The following POLR1G variants were observed in gnomAD, a reference collection of about 807,000 sequenced individuals.
The protein encoded by POLR1G is RNA polymerase I subunit G.
In POLR1G, 9 loss-of-function variants were observed where a neutral mutation model predicts 6.3. That is an observed-to-expected ratio of 1.44 (90% CI 0.87 to 2.51). POLR1G has a LOEUF of 2.51. POLR1G is among the 30% of genes most tolerant of loss of function. The pLI is 0.00. For missense variants in POLR1G, 617 were observed against 632.5 expected (o/e 0.98, Z 0.26); for synonymous variants, 248 against 256.5 (o/e 0.97, Z 0.32).
chr19:45,407,982 A>C (rs1973444194), intron 2 of POLR1G, 151 bp from the exon 3 acceptor site: 1 of 999,784 alleles, frequency 1.0e-6, no homozygotes, highest in Non-Finnish European at 1.4e-6. Flanking sequence ...TGAACCCAGG[A>C]GGTGGACATT....
In POLR1G at chr19:45,409,216, AG is replaced by A; in HGVS notation, c.1249del (p.Ala417LeufsTer18). The part of the protein sequence containing the change: ...ELPDDLEPQA[A>X]PTSTKKKKKK... ...TGCCGGATGACCTTGAGCCTCAGGCAGCTCCCACATCCACCAAGAAGAAGAA... is the reference window on the plus strand; with the variant it reads ...TGCCGGATGACCTTGAGCCTCAGGCACTCCCACATCCACCAAGAAGAAGAA... On this transcript the variant is annotated frameshift_variant, in exon 3 of 3. Coordinates refer to ENST00000309424, the MANE Select transcript of POLR1G (RefSeq NM_012099.3). LOFTEE classifies it low-confidence loss of function (END_TRUNC). 6.2e-7 allele frequency: 1 copy of A among 1,612,548 alleles called. No homozygotes were observed. The highest frequency in any genetic ancestry group is 8.5e-7 in the Non-Finnish European group (1 of 1,179,216).
At chr19:45,407,632 G>T in intron 2 of POLR1G, 1 of 266,580 alleles carries the variant, frequency 3.8e-6, no homozygotes, top group Non-Finnish European at 7.1e-6. Context: ...TGTTCTGTAT[G>T]GCCATAAATA....
chr19:45,407,947 G>C, intron 2 of POLR1G, 186 bp from the exon 3 acceptor site: 1 of 686,578 alleles, frequency 1.5e-6, no homozygotes, highest in Non-Finnish European at 2.2e-6. Flanking sequence ...CCAGCTACTT[G>C]AGAGGCTGAG....
At position 45,408,582 on chromosome 19, in the gene POLR1G, C is replaced by T. The variant is rs1421404462; in HGVS notation, c.614C>T (p.Ser205Leu). ...CTGGAGGTGGACATGGCTTTGGGGTCGCCAGAAATGGATGTGCGGAAGAAG... is the reference window on the plus strand; with the variant it reads ...CTGGAGGTGGACATGGCTTTGGGGTTGCCAGAAATGGATGTGCGGAAGAAG... ...GALEVDMALG[S>L]PEMDVRKKKK... Residue 205 changes from serine to leucine, a missense_variant, in exon 3 of 3, where the codon TCG (serine) becomes TTG (leucine). Physicochemically the swap from Ser to Leu is moderately radical, Grantham distance 145. Coordinates refer to ENST00000309424, the MANE Select transcript of POLR1G (RefSeq NM_012099.3). The T allele has an allele frequency of 6.8e-6, 11 of 1,613,494 alleles. No individual in the cohort carries two copies. Among genetic ancestry groups the T allele is most frequent in the Non-Finnish European group, 7.6e-6 (9 of 1,179,942 alleles).
In POLR1G at chr19:45,406,955, A is replaced by G. The variant is rs1973387448; in HGVS notation, c.23-139A>G. ...GTGAAATTGAGGTCGCCCCTGGGGAACAGGTGGGCAGAAAGGAGAAACCAG... is the reference window on the plus strand; with the variant it reads ...GTGAAATTGAGGTCGCCCCTGGGGAGCAGGTGGGCAGAAAGGAGAAACCAG... On this transcript the variant is annotated intron_variant, in intron 1 of 2. Transcript: ENST00000309424. This position sits in a 1 kb window ranked among gnomAD's most constrained non-coding sequence, Gnocchi z 4.2. The G allele has an allele frequency of 3.3e-6, 4 of 1,221,164 alleles. No homozygotes were observed. The highest frequency in any genetic ancestry group is 3.4e-6 in the Non-Finnish European group (3 of 882,390). 75.6% of individuals were successfully genotyped at this position (1,221,164 alleles called of 1,614,324 possible). A position where few individuals can be genotyped will look rare whatever the true frequency, so the allele number is the denominator to read the frequency against.
rs1057199784 is a variant in POLR1G, at chr19:45,409,372, G to C, written c.1404G>C (p.Gln468His). 8 of 1,614,030 alleles carry C rather than the reference G, an allele frequency of 5.0e-6. No individual in the cohort carries two copies. Among genetic ancestry groups the C allele is most frequent in the African/African-American group, 4.0e-5 (3 of 74,922 alleles). Reference protein sequence around the residue: ...GSTKKRKKQSQESRMPETVPQ... With the variant: ...GSTKKRKKQSHESRMPETVPQ... ...CCAAGAAGAGGAAGAAGCAGAGTCAGGAAAGCCGGATGCCAGAGACAGTGC... is the reference window on the plus strand; with the variant it reads ...CCAAGAAGAGGAAGAAGCAGAGTCACGAAAGCCGGATGCCAGAGACAGTGC... The change falls in exon 3 of 3, where the codon CAG becomes CAC. Residue 468 changes from glutamine (Q) to histidine (H), a missense_variant. Physicochemically the swap from Gln to His is conservative, Grantham distance 24 (BLOSUM62 0). Coordinates refer to ENST00000309424, the MANE Select transcript of POLR1G (RefSeq NM_012099.3).
chr19:45,406,944 G>A lies in POLR1G; in HGVS notation c.23-150G>A, dbSNP rs528926941. 1.5e-5 allele frequency: 17 copies of A among 1,139,272 alleles called. No individual in the cohort carries two copies. In the East Asian group the frequency reaches 3.7e-4, roughly 25 times the overall value. 70.6% of individuals were successfully genotyped at this position (1,139,272 alleles called of 1,614,324 possible). A position where few individuals can be genotyped will look rare whatever the true frequency, so the allele number is the denominator to read the frequency against. On this transcript the variant is annotated intron_variant, in intron 1 of 2. Transcript: ENST00000309424. The surrounding 1 kb of genome is among the most constrained non-coding windows in gnomAD (Gnocchi z 4.2). ...GGGTTGGATCGGTGAAATTGAGGTC[G>A]CCCCTGGGGAACAGGTGGGCAGAAA...
At position 45,408,496 on chromosome 19, in the gene POLR1G, AAAG is replaced by A; in HGVS notation, c.529_531del (p.Lys177del). The A allele has an allele frequency of 6.2e-7, 1 of 1,613,976 alleles. No individual in the cohort carries two copies. On this transcript the variant is annotated inframe_deletion, in exon 3 of 3. Transcript: ENST00000309424. ...ACCTGCTCACCTCAGGGAAGAAGAA[AAAG>A]GAGATGCAGGTGACAGAGGCCCCAG...
In POLR1G at chr19:45,406,813, A is replaced by C. The variant is rs888927825; in HGVS notation, c.22+95A>C. ...CGGGCGGAAAAGGAGGCGTACCTGC[A>C]AGCAGGACTTGCGAAGAGCGTGCAT... On this transcript the variant is annotated intron_variant, in intron 1 of 2. Transcript: ENST00000309424. The surrounding 1 kb of genome is among the most constrained non-coding windows in gnomAD (Gnocchi z 4.2). The C allele has an allele frequency of 8.1e-7, 1 of 1,240,352 alleles. No individual in the cohort carries two copies. Among genetic ancestry groups the C allele is most frequent in the Non-Finnish European group, 1.1e-6 (1 of 912,914 alleles). 76.8% of individuals were successfully genotyped at this position (1,240,352 alleles called of 1,614,324 possible).
At position 45,408,690 on chromosome 19, in the gene POLR1G, C is replaced by T. The variant is rs1035447642; in HGVS notation, c.722C>T (p.Pro241Leu). 2 of 1,613,772 alleles carry T rather than the reference C, an allele frequency of 1.2e-6. No individual in the cohort carries two copies. Among genetic ancestry groups the T allele is most frequent in the Non-Finnish European group, 1.7e-6 (2 of 1,179,934 alleles). The stretch of plus-strand genomic sequence containing the variant: ...GAGCCCACAGTGGAGACACTGGAGC[C>T]TCTGGGAGTGCTGTTCCCGTCCACC... ...GTEPTVETLE[P>L]LGVLFPSTTK... Residue 241 changes from proline to leucine, a missense_variant, in exon 3 of 3, where the codon CCT becomes CTT. Transcript: ENST00000309424.
intron 2 of POLR1G, 21 bp from the exon 3 acceptor site, chr19:45,408,112 C>T: frequency 3.8e-6 from 6 of 1,570,098 alleles, no homozygotes; most frequent in Non-Finnish European, 5.2e-6. Flanking sequence ...AAGCCTCTGC[C>T]CTCCCTGTTT....
Position 45,408,596 on chromosome 19 carries a change from G to A in POLR1G, c.628G>A (p.Val210Met). Residue 210 changes from valine (V) to methionine (M), a missense_variant, in exon 3 of 3, where the codon GTG becomes ATG. Coordinates refer to ENST00000309424, the MANE Select transcript of POLR1G (RefSeq NM_012099.3). ...DMALGSPEMD[V>M]RKKKKKKNQQ... is the part of the protein sequence containing the mutation. Reference sequence around the variant, plus strand: ...GGCTTTGGGGTCGCCAGAAATGGATGTGCGGAAGAAGAAGAAGAAAAAAAA... The same window carrying A: ...GGCTTTGGGGTCGCCAGAAATGGATATGCGGAAGAAGAAGAAGAAAAAAAA... The A allele has an allele frequency of 3.1e-6, 5 of 1,613,790 alleles. No homozygotes were observed. Among genetic ancestry groups the A allele is most frequent in the Non-Finnish European group, 4.2e-6 (5 of 1,180,016 alleles).
intron 2 of POLR1G, 72 bp from the exon 3 acceptor site, chr19:45,408,061 C>CA (rs11314106): frequency 4.3e-3 from 5,918 of 1,377,880 alleles, no homozygotes; most frequent in East Asian, 0.021. Context: ...CAAAAAAAAA[C>CA]AAAAAAAAAA....
intron 2 of POLR1G, 92 bp downstream of exon 2, chr19:45,407,327 C>A: frequency 1.6e-6 from 2 of 1,215,844 alleles, no homozygotes; most frequent in Non-Finnish European, 2.3e-6. Flanking sequence ...AGAGGTGAGT[C>A]ACAGAGCACA....
chr19:45,407,027 A>G, intron 1 of POLR1G, 67 bp from the exon 2 acceptor site: 4 of 1,538,252 alleles, frequency 2.6e-6, no homozygotes, highest in Non-Finnish European at 3.5e-6. Context: ...ATGGACCGAT[A>G]GGCGCGCCCT....
rs1203910905 is a variant in POLR1G, at chr19:45,408,970, G to A, written c.1002G>A (p.Lys334=). Residue 334 remains lysine, a synonymous_variant, in exon 3 of 3, where the codon AAG becomes AAA. Coordinates refer to ENST00000309424, the MANE Select transcript of POLR1G (RefSeq NM_012099.3). The part of the protein sequence containing the change: ...LPPTKKRKKE[K]GQMAMMEPGT... Reference sequence around the variant, plus strand: ...CTACGAAGAAGAGGAAAAAAGAAAAGGGACAGATGGCAATGATGGAGCCAG... The same window carrying A: ...CTACGAAGAAGAGGAAAAAAGAAAAAGGACAGATGGCAATGATGGAGCCAG... The A allele has an allele frequency of 6.2e-7, 1 of 1,614,076 alleles. No homozygotes were observed.
Position 45,409,895 on chromosome 19 carries a change from A to ATTTTATT in POLR1G, c.*398_*399insATTTTTT, listed in dbSNP as rs553129115. On this transcript the variant is annotated 3_prime_UTR_variant, in exon 3 of 3. Coordinates refer to ENST00000309424, the MANE Select transcript of POLR1G (RefSeq NM_012099.3). ...TTTTTAAGTTATTATTATTATTATT[A>ATTTTATT]TTTTTTTTTTTTTTGAGATGGAGTC... The ATTTTATT allele has an allele frequency of 4.1e-5, 7 of 169,084 alleles. No homozygotes were observed. The highest frequency in any genetic ancestry group is 1.9e-4 in the African/African-American group (7 of 36,430). The allele number at this position is 169,084 out of a possible 1,614,324, so 10.5% of individuals were successfully genotyped here. A position where few individuals can be genotyped will look rare whatever the true frequency, so the allele number is the denominator to read the frequency against.
At position 45,410,612 on chromosome 19, in the gene POLR1G, T is replaced by C. The variant is rs1473881361; in HGVS notation, c.*1111T>C. The C allele has an allele frequency of 2.7e-4, 36 of 135,478 alleles. No homozygotes were observed. The Admixed American group carries it at 2.8e-3, about 10-fold the overall frequency. 8.4% of individuals were successfully genotyped at this position (135,478 alleles called of 1,614,324 possible). ...GTGTGTGTGTGGTACCCATTAACCTTCCCCATCTCCCTGCCAGCCCCTAAC... is the reference window on the plus strand; with the variant it reads ...GTGTGTGTGTGGTACCCATTAACCTCCCCCATCTCCCTGCCAGCCCCTAAC... On this transcript the variant is annotated 3_prime_UTR_variant, in exon 3 of 3. Coordinates refer to ENST00000309424, the MANE Select transcript of POLR1G (RefSeq NM_012099.3).
In POLR1G at chr19:45,406,749, G is replaced by T; in HGVS notation, c.22+31G>T. 5 of 1,513,058 alleles carry T rather than the reference G, an allele frequency of 3.3e-6. No individual in the cohort carries two copies. The highest frequency in any genetic ancestry group is 4.4e-6 in the Non-Finnish European group (5 of 1,134,100). The allele number at this position is 1,513,058 out of a possible 1,614,324, so 93.7% of individuals were successfully genotyped here. On this transcript the variant is annotated intron_variant, in intron 1 of 2. Coordinates refer to ENST00000309424, the MANE Select transcript of POLR1G (RefSeq NM_012099.3). The surrounding 1 kb of genome is among the most constrained non-coding windows in gnomAD (Gnocchi z 4.2). Reference sequence around the variant, plus strand: ...GGTGCGGGTTGACGGGGTGCGGAGGGTGCGTTGGTGGAAGGAGAAAGGGGC... The same window carrying T: ...GGTGCGGGTTGACGGGGTGCGGAGGTTGCGTTGGTGGAAGGAGAAAGGGGC...
Sources: gnomAD v4.1 joint callset for allele counts on GRCh38, gnomAD v4.1.1 for gene constraint, Gnocchi (gnomAD v3.1) non-coding constraint, MANE v1.5 for transcripts, NCBI Gene and HGNC (gene_info 2026-07-23, HGNC 2026-07-21) for gene names.